The following KDM6A variants were observed in gnomAD, a reference collection of about 807,000 sequenced individuals.
KDM6A encodes the protein lysine demethylase 6A.
Under a neutral mutation model 117.6 loss-of-function variants are expected in KDM6A, and 11 were observed. The ratio of observed to expected loss-of-function variants is 0.09; its 90% confidence interval spans 0.06 to 0.15. The LOEUF (loss-of-function observed/expected upper bound fraction) is 0.15. KDM6A is among the 10% of genes least tolerant of loss of function. The pLI, the probability that KDM6A is intolerant of heterozygous loss-of-function variation, is 1.00. For synonymous variants in KDM6A, 384 were observed against 396.1 expected, an observed-to-expected ratio of 0.97 and a Z score of 0.36; for missense variants, 799 against 1,077.3, an observed-to-expected ratio of 0.74 and a Z score of 3.62.
intron 8 of KDM6A, among the ~76,000 whole-genome samples, chrX:45,050,578 A>C (rs780299819): frequency 9.0e-6 from 1 of 111,659 alleles, no homozygotes; most frequent in Admixed American, 9.5e-5. Flanking sequence ...ATTTCTACCT[A>C]CTTTTTTTTG....
At chrX:44,954,485 A>G (rs1602329789) in intron 2 of KDM6A, among the ~76,000 whole-genome samples, 1 of 112,107 alleles carries the variant, frequency 8.9e-6, no homozygotes, top group East Asian at 2.8e-4. Context: ...TATTGTCTGG[A>G]TTACTGCAAC....
intron 3 of KDM6A, among the ~76,000 whole-genome samples, chrX:44,972,443 G>A (rs1378003608): frequency 9.1e-6 from 1 of 110,283 alleles, no homozygotes; most frequent in African/African-American, 3.3e-5. Context: ...ACAAGATACC[G>A]TTTATCTTTG....
intron 2 of KDM6A, among the ~76,000 whole-genome samples, chrX:44,906,925 GCTTT>G (rs2034712720): frequency 9.0e-6 from 1 of 111,268 alleles, no homozygotes; most frequent in Non-Finnish European, 1.9e-5. Flanking sequence ...ATTCTTTAGC[GCTTT>G]CTTCTCTTAT....
At chrX:44,989,475 A>G (rs1186509851) in intron 4 of KDM6A, among the ~76,000 whole-genome samples, 1 of 108,779 alleles carries the variant, frequency 9.2e-6, no homozygotes, top group African/African-American at 3.4e-5. Flanking sequence ...TGCAGAAATC[A>G]CCTGTCTTCT....
At chrX:44,881,433 A>G (rs1257402917) in intron 2 of KDM6A, among the ~76,000 whole-genome samples, 2 of 112,070 alleles carry the variant, frequency 1.8e-5, no homozygotes, top group African/African-American at 6.5e-5. Context: ...CACCATCTCA[A>G]AAACAAAAAA....
intron 8 of KDM6A, among the ~76,000 whole-genome samples, chrX:45,045,966 C>G (rs1363554109): frequency 1.8e-5 from 2 of 111,271 alleles, no homozygotes; most frequent in Admixed American, 9.6e-5. Flanking sequence ...TGTTTTGAAG[C>G]AAGTATTACA....
intron 2 of KDM6A, among the ~76,000 whole-genome samples, chrX:44,882,950 A>C (rs776446574): frequency 8.9e-6 from 1 of 111,819 alleles, no homozygotes; most frequent in South Asian, 3.7e-4. Context: ...GAAATGATGG[A>C]GTAATTAAAA....
Position 44,898,722 on chromosome X carries a change from T to C in KDM6A, c.225+24735T>C, listed in dbSNP as rs930992409. Among the ~76,000 whole-genome samples, 3 of 111,266 alleles carry C rather than the reference T, an allele frequency of 2.7e-5. No individual in the cohort carries two copies. In the Admixed American group the frequency reaches 2.9e-4, roughly 11 times the overall value. On this transcript the variant is annotated intron_variant, in intron 2 of 29. Coordinates refer to ENST00000611820, the MANE Select transcript of KDM6A (RefSeq NM_001291415.2). ...GGAGTATGGAAGATCAGCTCCTCTT[T>C]TAGGCTTGCCACTAACCCAACAGGG...
chrX:45,093,955 C>G (rs4824393), intron 27 of KDM6A, among the ~76,000 whole-genome samples: 1 of 109,589 alleles, frequency 9.1e-6, no homozygotes, highest in East Asian at 2.9e-4. Context: ...CAAAATGTCT[C>G]ATCATTTAAA....
At chrX:44,913,397 C>T (rs1296151320) in intron 2 of KDM6A, among the ~76,000 whole-genome samples, 2 of 102,523 alleles carry the variant, frequency 2.0e-5, no homozygotes, top group South Asian at 4.4e-4. Flanking sequence ...CTCCTGGGTT[C>T]GAGCGATTCT....
intron 3 of KDM6A, among the ~76,000 whole-genome samples, chrX:44,966,683 T>A (rs1344954729): frequency 9.1e-6 from 1 of 110,433 alleles, no homozygotes; most frequent in Non-Finnish European, 1.9e-5. Flanking sequence ...GCAGCTTGAT[T>A]AATGTGTAAT....
intron 6 of KDM6A, among the ~76,000 whole-genome samples, chrX:45,021,493 G>A (rs1489135132): frequency 9.0e-6 from 1 of 111,263 alleles, no homozygotes; most frequent in African/African-American, 3.3e-5. Flanking sequence ...CTCCATTGCA[G>A]ACTATCTTGA....
intron 2 of KDM6A, among the ~76,000 whole-genome samples, chrX:44,947,280 G>A (rs184281863): frequency 4.5e-5 from 5 of 110,872 alleles, no homozygotes; most frequent in Non-Finnish European, 7.5e-5. Flanking sequence ...ATTTTGGCCT[G>A]TACTTTGGAT....
rs903562398 is a variant in KDM6A at position 44,874,043 on chromosome X, C to G, written c.225+56C>G. On this transcript the variant is annotated intron_variant, in intron 2 of 29. Coordinates refer to ENST00000611820, the MANE Select transcript of KDM6A (RefSeq NM_001291415.2). ...CCGTCTCCCTGGCCGGCGCCGCGCT[C>G]GCCCCGGGCCCCGCGGCCGGGTCTG... 4 of 1,089,786 alleles carry G rather than the reference C, an allele frequency of 3.7e-6. No homozygotes were observed. In the African/African-American group the frequency reaches 5.4e-5, roughly 15 times the overall value. 89.8% of individuals were successfully genotyped at this position (1,089,786 alleles called of 1,213,427 possible). A position where few individuals can be genotyped will look rare whatever the true frequency, so the allele number is the denominator to read the frequency against.
At chrX:44,878,026 G>A (rs1264593676) in intron 2 of KDM6A, among the ~76,000 whole-genome samples, 1 of 111,465 alleles carries the variant, frequency 9.0e-6, no homozygotes, top group African/African-American at 3.3e-5. Context: ...TTTGGATGTT[G>A]ATTAAAAACA....
At chrX:45,036,843 A>G (rs1158489115) in intron 7 of KDM6A, among the ~76,000 whole-genome samples, 1 of 112,623 alleles carries the variant, frequency 8.9e-6, no homozygotes, top group Non-Finnish European at 1.9e-5. Context: ...ATTTTATTCT[A>G]CTCTGTTTAA....
chrX:45,014,256 T>C (rs1459728212), intron 5 of KDM6A, among the ~76,000 whole-genome samples: 1 of 112,179 alleles, frequency 8.9e-6, no homozygotes, highest in African/African-American at 3.2e-5. Flanking sequence ...TAACCTATTG[T>C]CATCTTATGC....
rs186480062 is a variant in KDM6A, at chrX:44,949,464, G to A, written c.226-11820G>A. ...GAAAAGTCTGAAAGGGTATATTCGG[G>A]CCTATTAAAAAGTTTTTTTTTTTTA... On this transcript the variant is annotated intron_variant, in intron 2 of 29. Transcript: ENST00000611820. Among the ~76,000 whole-genome samples the A allele has an allele frequency of 6.5e-4, 67 of 102,434 alleles. 1 individual carries two copies. The highest frequency in any genetic ancestry group is 5.4e-3 in the East Asian group (19 of 3,543). 89.0% of individuals were successfully genotyped at this position (102,434 alleles called of 115,157 possible). A position where few individuals can be genotyped will look rare whatever the true frequency, so the allele number is the denominator to read the frequency against.
intron 28 of KDM6A, among the ~76,000 whole-genome samples, chrX:45,109,488 A>C (rs1471575212): frequency 1.8e-5 from 2 of 111,972 alleles, no homozygotes; most frequent in Non-Finnish European, 3.8e-5. Flanking sequence ...CAAAGACAGG[A>C]TGTTGATGGT....
Sources: allele counts gnomAD v4.1 joint callset (sites outside exome capture counted in the v4.1 genomes callset), GRCh38; gene constraint gnomAD v4.1.1; transcripts MANE v1.5; gene names NCBI Gene and HGNC (gene_info 2026-07-23, HGNC 2026-07-21).